The following GLI2 variants were observed in gnomAD, a reference collection of about 807,000 sequenced individuals.
GLI2 encodes the protein transcription activator GLI2.
GLI2 carries 22 observed loss-of-function variants against 78.9 expected under a neutral mutation model. The ratio of observed to expected loss-of-function variants is 0.28; its 90% CI spans 0.20 to 0.40. GLI2 has a LOEUF of 0.40. Ranked by LOEUF, GLI2 falls within the 10% of genes least tolerant of loss-of-function variation. GLI2 has a pLI of 1.00. For synonymous variants in GLI2, 974 were observed against 963.7 expected (o/e 1.01, Z -0.20); for missense variants, 2,097 against 2,213.2 (o/e 0.95, Z 1.05).
chr2:120,930,490 C>T (rs924624822), intron 3 of GLI2, among the ~76,000 whole-genome samples: 14 of 152,206 alleles, frequency 9.2e-5, no homozygotes, highest in African/African-American at 3.4e-4. Context: ...CTTGTGGGAG[C>T]GTAAGTATGG....
At chr2:120,949,525 C>T (rs1162558063) in intron 3 of GLI2, among the ~76,000 whole-genome samples, 2 of 152,258 alleles carry the variant, frequency 1.3e-5, no homozygotes, top group Non-Finnish European at 2.9e-5. Context: ...ACAGTGCACC[C>T]TTGGGGAGCA....
intron 4 of GLI2, among the ~76,000 whole-genome samples, chr2:120,953,614 C>T (rs984268393): frequency 6.6e-5 from 10 of 152,268 alleles, no homozygotes; most frequent in East Asian, 5.8e-4. Flanking sequence ...AAGACGTCTA[C>T]GGGAGGAAGG....
At chr2:120,838,452 T>C (rs1036497605) in intron 2 of GLI2, among the ~76,000 whole-genome samples, 1 of 152,242 alleles carries the variant, frequency 6.6e-6, no homozygotes, top group Admixed American at 6.5e-5. Flanking sequence ...TGGTGATAGC[T>C]TTTTCCTTTC....
At chr2:120,854,849 AT>A (rs1158951546) in intron 2 of GLI2, among the ~76,000 whole-genome samples, 1 of 152,196 alleles carries the variant, frequency 6.6e-6, no homozygotes, top group African/African-American at 2.4e-5. Flanking sequence ...GAAAGTTTGC[AT>A]TTGTAAGTCC....
At chr2:120,922,216 A>G (rs56776661) in intron 2 of GLI2, among the ~76,000 whole-genome samples, 4,111 of 152,310 alleles carry the variant, frequency 0.027, 57 homozygotes, top group Middle Eastern at 0.048. Context: ...TGAGTGAATG[A>G]ATATTTCTAG....
In GLI2 at chr2:120,989,796, G is replaced by A. The variant is rs115052795; in HGVS notation, c.3831G>A (p.Thr1277=). The part of the protein sequence containing the change: ...QQTEVAPDPT[T]MGNRHRELGV... ...CAGAAGTGGCACCTGACCCCACCAC[G>A]ATGGGCAATCGCCACAGGGAACTTG... Residue 1277 remains threonine, a synonymous_variant, in exon 14 of 14, where the codon ACG becomes ACA. Coordinates refer to ENST00000361492, the MANE Select transcript of GLI2 (RefSeq NM_001374353.1). 7,923 of 1,610,812 alleles carry A rather than the reference G, an allele frequency of 4.9e-3. 345 individuals carry two copies. The African/African-American group carries it at 0.093, about 19-fold the overall frequency.
chr2:120,780,212 C>A (rs548244018), intron 1 of GLI2, among the ~76,000 whole-genome samples: 45 of 152,302 alleles, frequency 3.0e-4, no homozygotes, highest in African/African-American at 1.1e-3. Context: ...ACACTCATAA[C>A]GCCCCCTTCA....
intron 1 of GLI2, among the ~76,000 whole-genome samples, chr2:120,784,214 C>T (rs1454182688): frequency 6.6e-6 from 1 of 152,214 alleles, no homozygotes; most frequent in African/African-American, 2.4e-5. Flanking sequence ...TCCAGTGGAA[C>T]AGGCAGTGAA....
At chr2:120,852,609 T>G (rs1687463299) in intron 2 of GLI2, among the ~76,000 whole-genome samples, 1 of 152,090 alleles carries the variant, frequency 6.6e-6, no homozygotes, top group Non-Finnish European at 1.5e-5. Flanking sequence ...GCTGTTTATG[T>G]GGTTGGTTTG....
chr2:120,983,026 C>T, intron 11 of GLI2, 146 bp downstream of exon 11: 1 of 620,994 alleles, frequency 1.6e-6, no homozygotes, highest in South Asian at 1.9e-5. Flanking sequence ...AGATACAGAC[C>T]AGGACTCTTT....
intron 2 of GLI2, among the ~76,000 whole-genome samples, chr2:120,884,886 A>C (rs2592609): frequency 0.57 from 87,335 of 151,904 alleles, 27,797 homozygotes; most frequent in African/African-American, 0.86. Flanking sequence ...TTCTTCCTGT[A>C]ATCTTCTCCC....
intron 1 of GLI2, among the ~76,000 whole-genome samples, chr2:120,789,029 CTTTCTTTTT>C (rs1684073654): frequency 7.4e-6 from 1 of 135,500 alleles, no homozygotes; most frequent in African/African-American, 3.2e-5. Flanking sequence ...TTATTTCTTT[CTTTCTTTTT>C]TTTTTTTTTT....
intron 1 of GLI2, among the ~76,000 whole-genome samples, chr2:120,783,790 T>C (rs1683915933): frequency 6.6e-6 from 1 of 152,188 alleles, no homozygotes; most frequent in South Asian, 2.1e-4. Context: ...GGGAACTTTT[T>C]ATATGAAAAC....
intron 1 of GLI2, among the ~76,000 whole-genome samples, chr2:120,771,609 G>A (rs1290041103): frequency 1.3e-5 from 2 of 152,240 alleles, no homozygotes; most frequent in Admixed American, 6.5e-5. Flanking sequence ...TGCCCTTCCA[G>A]TCGGGAGGCT....
intron 2 of GLI2, among the ~76,000 whole-genome samples, chr2:120,888,610 T>C (rs1677530120): frequency 6.6e-6 from 1 of 150,706 alleles, no homozygotes; most frequent in Admixed American, 6.6e-5. Flanking sequence ...CCTACTAGGG[T>C]GTGGTGGGTG....
chr2:120,939,658 G>A (rs1271181376), intron 3 of GLI2, among the ~76,000 whole-genome samples: 1 of 152,142 alleles, frequency 6.6e-6, no homozygotes, highest in African/African-American at 2.4e-5. Context: ...GGGCTGCTCC[G>A]AAGCAGTCTA....
chr2:120,813,363 C>G (rs949970705), intron 2 of GLI2, among the ~76,000 whole-genome samples: 6 of 152,190 alleles, frequency 3.9e-5, no homozygotes, highest in African/African-American at 1.4e-4. Context: ...GGCGTGGGTG[C>G]CCATGGACAT....
intron 2 of GLI2, among the ~76,000 whole-genome samples, chr2:120,814,212 T>C (rs1685389909): frequency 6.6e-6 from 1 of 151,888 alleles, no homozygotes; most frequent in South Asian, 2.1e-4. Context: ...ACGGTGCTGG[T>C]GGTTGGAAAG....
intron 1 of GLI2, among the ~76,000 whole-genome samples, chr2:120,793,630 A>C (rs1684249794): frequency 6.6e-6 from 1 of 152,138 alleles, no homozygotes; most frequent in Non-Finnish European, 1.5e-5. Context: ...AAGTGGTGGG[A>C]AGGCGAGGCC....
Sources: gnomAD v4.1 joint callset for allele counts (sites outside exome capture counted in the v4.1 genomes callset) on GRCh38, gnomAD v4.1.1 for gene constraint, MANE v1.5 for transcripts, NCBI Gene and HGNC (gene_info 2026-07-23, HGNC 2026-07-21) for gene names.